The following RGPD2 variants were observed in gnomAD, a reference collection of about 807,000 sequenced individuals.
RGPD2 encodes RANBP2 like and GRIP domain containing 2.
In RGPD2, 2 loss-of-function variants were observed where a neutral mutation model predicts 36.0. The observed-to-expected ratio is 0.06, with a 90% confidence interval of 0.02 to 0.17. The LOEUF (loss-of-function observed/expected upper bound fraction) is 0.17, where lower values mean the gene tolerates loss of function less well. Ranked by LOEUF, RGPD2 falls within the 10% of genes least tolerant of loss-of-function variation. The probability of loss-of-function intolerance (pLI) is 1.00; values close to 1 mark genes in which losing one functional copy is unlikely to be tolerated. For synonymous variants in RGPD2, 19 were observed against 163.8 expected (o/e 0.12, Z 6.75); for missense variants, 40 against 464.3 (o/e 0.09, Z 8.40).
At chr2:87,871,898 A>ATATGGATT in the RGPD2 span, among the ~76,000 whole-genome samples, 1 of 148,302 alleles carries the variant, frequency 6.7e-6, no homozygotes, top group Non-Finnish European at 1.5e-5. Flanking sequence ...AAAAATGTAC[A>ATATGGATT]TATGGATTCC....
chr2:87,896,952 CAA>C, the RGPD2 span, among the ~76,000 whole-genome samples: 1 of 151,882 alleles, frequency 6.6e-6, no homozygotes, highest in Non-Finnish European at 1.5e-5. Flanking sequence ...TAAGAATTTA[CAA>C]GAGTTATATT....
chr2:87,881,325 G>A, the RGPD2 span, among the ~76,000 whole-genome samples: 2 of 152,254 alleles, frequency 1.3e-5, no homozygotes, highest in Admixed American at 6.5e-5. Context: ...ACCTCAGTGG[G>A]TACACTGTGT....
At chr2:87,983,515 T>G in the RGPD2 span, among the ~76,000 whole-genome samples, 22 of 121,932 alleles carry the variant, frequency 1.8e-4, no homozygotes, top group East Asian at 5.1e-3. Flanking sequence ...ATACCACAGG[T>G]CCTGGAGAGA....
intron 6 of RGPD2, among the ~76,000 whole-genome samples, chr2:87,809,541 C>T (rs1363666316): frequency 3.6e-5 from 5 of 138,646 alleles, no homozygotes; most frequent in African/African-American, 7.8e-5. Flanking sequence ...TGGTGGTGGG[C>T]GCCTGTAGTC....
At chr2:87,966,204 C>G in the RGPD2 span, among the ~76,000 whole-genome samples, 1 of 152,260 alleles carries the variant, frequency 6.6e-6, no homozygotes, top group African/African-American at 2.4e-5. Flanking sequence ...TCTTCTAATG[C>G]CTGGTCTCCA....
At chr2:87,822,067 T>C (rs1002588762) in intron 1 of RGPD2, among the ~76,000 whole-genome samples, 2 of 152,122 alleles carry the variant, frequency 1.3e-5, no homozygotes, top group African/African-American at 2.4e-5. Flanking sequence ...AAAGCTGCTG[T>C]TCTCAACAAA....
the RGPD2 span, among the ~76,000 whole-genome samples, chr2:87,864,617 GATAGA>G: frequency 3.8e-5 from 1 of 26,056 alleles, no homozygotes; most frequent in African/African-American, 1.3e-4. Flanking sequence ...TAGATAGATA[GATAGA>G]TACATAGATG....
the RGPD2 span, among the ~76,000 whole-genome samples, chr2:87,922,298 A>G: frequency 6.7e-6 from 1 of 148,826 alleles, no homozygotes; most frequent in African/African-American, 2.5e-5. Context: ...GTCTCAAAAA[A>G]AAAAAAAAAA....
chr2:87,921,252 G>A, the RGPD2 span, among the ~76,000 whole-genome samples: 1 of 152,100 alleles, frequency 6.6e-6, no homozygotes, highest in African/African-American at 2.4e-5. Context: ...GATGCTTAGC[G>A]CAGTGAAGCC....
chr2:87,923,239 A>G, the RGPD2 span, among the ~76,000 whole-genome samples: 5 of 152,038 alleles, frequency 3.3e-5, 1 homozygote, highest in South Asian at 8.3e-4. Context: ...ATAGGGAGAC[A>G]AAAAAAATAA....
the RGPD2 span, among the ~76,000 whole-genome samples, chr2:87,844,273 TATTCA>T: frequency 6.9e-6 from 1 of 144,920 alleles, no homozygotes; most frequent in South Asian, 2.2e-4. Context: ...TGCTTTAAAT[TATTCA>T]ATTCAATTTT....
the RGPD2 span, among the ~76,000 whole-genome samples, chr2:87,841,307 G>A: frequency 2.3e-4 from 35 of 152,114 alleles, no homozygotes; most frequent in African/African-American, 6.5e-4. Flanking sequence ...CCTTGAGGCC[G>A]ACTCTGAAGC....
the RGPD2 span, among the ~76,000 whole-genome samples, chr2:87,921,250 G>T: frequency 6.6e-6 from 1 of 152,232 alleles, no homozygotes; most frequent in South Asian, 2.1e-4. Flanking sequence ...AGGATGCTTA[G>T]CGCAGTGAAG....
the RGPD2 span, among the ~76,000 whole-genome samples, chr2:87,988,702 C>A: frequency 6.6e-6 from 1 of 151,142 alleles, no homozygotes; most frequent in South Asian, 2.1e-4. Context: ...CACCACACCC[C>A]GCTGATTTTT....
chr2:87,952,654 G>A, the RGPD2 span, among the ~76,000 whole-genome samples: 1 of 151,740 alleles, frequency 6.6e-6, no homozygotes, highest in Middle Eastern at 3.2e-3. Context: ...CAACTCTGAT[G>A]AAGTAGATAA....
the RGPD2 span, among the ~76,000 whole-genome samples, chr2:87,846,442 G>A: frequency 3.9e-5 from 6 of 152,032 alleles, no homozygotes; most frequent in Non-Finnish European, 7.4e-5. Context: ...ACATAGACAT[G>A]ATAAATATTG....
At chr2:87,858,361 T>C in the RGPD2 span, among the ~76,000 whole-genome samples, 5 of 151,922 alleles carry the variant, frequency 3.3e-5, no homozygotes, top group East Asian at 1.9e-4. Flanking sequence ...TGCAGAAATG[T>C]GTATCTTTCC....
At chr2:87,825,416 GGCCGCCGCCGCC>G (rs1306325278) in intron 1 of RGPD2, among the ~76,000 whole-genome samples, 18 of 96,172 alleles carry the variant, frequency 1.9e-4, no homozygotes, top group South Asian at 3.2e-4. Context: ...CCGAGGCCGA[GGCCGCCGCCGCC>G]GCCGCCGCCG....
chr2:87,883,307 A>G, the RGPD2 span, among the ~76,000 whole-genome samples: 3 of 152,134 alleles, frequency 2.0e-5, no homozygotes, highest in African/African-American at 4.8e-5. Flanking sequence ...ACAATATTTT[A>G]TAACAAAACA....
Sources: allele counts gnomAD v4.1 joint callset (sites outside exome capture counted in the v4.1 genomes callset), GRCh38; gene constraint gnomAD v4.1.1; transcripts MANE v1.5; gene names NCBI Gene and HGNC (gene_info 2026-07-23, HGNC 2026-07-21).